The following MSRA variants were observed in gnomAD, a reference collection of about 807,000 sequenced individuals.
MSRA encodes the protein mitochondrial peptide methionine sulfoxide reductase.
In MSRA, 54 loss-of-function variants were observed where a neutral mutation model predicts 31.3. That is an observed-to-expected ratio of 1.73 (90% CI 1.39 to 2.17). The LOEUF is 2.17. MSRA is among the 30% of genes most tolerant of loss of function. The pLI is 0.00. For synonymous variants in MSRA, 169 were observed against 116.5 expected (o/e 1.45, Z -2.90); for missense variants, 507 against 300.9 (o/e 1.69, Z -5.07).
At position 10,377,888 on chromosome 8, in the gene MSRA, C is replaced by G. The variant is rs528610142; in HGVS notation, c.544-50260C>G. Among the ~76,000 whole-genome samples the G allele has an allele frequency of 7.2e-5, 11 of 152,316 alleles. No individual in the cohort carries two copies. The South Asian group carries it at 2.3e-3, about 32-fold the overall frequency. Reference sequence around the variant, plus strand: ...GATCTCGCCTCACCAGGAGGAAGCTCCCTGGCAGTGCAGGCCCCCGTGATC... The same window carrying G: ...GATCTCGCCTCACCAGGAGGAAGCTGCCTGGCAGTGCAGGCCCCCGTGATC... On this transcript the variant is annotated intron_variant, in intron 5 of 5. Coordinates refer to ENST00000317173, the MANE Select transcript of MSRA (RefSeq NM_012331.5).
chr8:10,425,175 A>G (rs941290605), intron 5 of MSRA, among the ~76,000 whole-genome samples: 77 of 151,964 alleles, frequency 5.1e-4, no homozygotes, highest in Non-Finnish European at 4.1e-4. Context: ...GGGAAGGACA[A>G]CCGAAGCCTG....
intron 3 of MSRA, among the ~76,000 whole-genome samples, chr8:10,270,735 C>A (rs1798989957): frequency 6.6e-6 from 1 of 152,228 alleles, no homozygotes; most frequent in African/African-American, 2.4e-5. Flanking sequence ...CAATATTCAT[C>A]ATTAGCTCAT....
At chr8:10,236,968 G>A (rs576944467) in intron 2 of MSRA, among the ~76,000 whole-genome samples, 21 of 152,168 alleles carry the variant, frequency 1.4e-4, no homozygotes, top group Non-Finnish European at 2.1e-4. Flanking sequence ...AAAACCTTGC[G>A]TAAGTCCTCA....
chr8:10,325,763 C>T (rs528260235), intron 5 of MSRA, among the ~76,000 whole-genome samples: 122 of 152,244 alleles, frequency 8.0e-4, no homozygotes, highest in African/African-American at 2.8e-3. Context: ...GGAAAATTGC[C>T]GATCTAACCA....
chr8:10,072,282 C>T (rs574527563), intron 1 of MSRA, among the ~76,000 whole-genome samples: 8 of 148,152 alleles, frequency 5.4e-5, no homozygotes, highest in African/African-American at 2.0e-4. Flanking sequence ...AAAGGCTGTG[C>T]ACACAAGACT....
intron 1 of MSRA, among the ~76,000 whole-genome samples, chr8:10,201,876 G>C (rs138987329): frequency 6.6e-6 from 1 of 152,224 alleles, no homozygotes; most frequent in South Asian, 2.1e-4. Flanking sequence ...CATCAGCAGA[G>C]GTTGTCCTCC....
chr8:10,250,472 A>T, intron 3 of MSRA: 1 of 702,484 alleles, frequency 1.4e-6, no homozygotes, highest in Non-Finnish European at 2.6e-6. Flanking sequence ...GCTTTTAGAA[A>T]TCTGCACAGC....
Position 10,239,500 on chromosome 8 carries a change from T to G in MSRA, c.212-5604T>G, listed in dbSNP as rs185105710. Among the ~76,000 whole-genome samples, 290 of 152,364 alleles carry G rather than the reference T, an allele frequency of 1.9e-3. 1 individual carries two copies. Among genetic ancestry groups the G allele is most frequent in the African/African-American group, 6.7e-3 (278 of 41,590 alleles). On this transcript the variant is annotated intron_variant, in intron 2 of 5. Coordinates refer to ENST00000317173, the MANE Select transcript of MSRA (RefSeq NM_012331.5). Reference sequence around the variant, plus strand: ...AGCCCATCCAATTGGCAAATATTTATATACTTTGTAACACCAAATGCTTGC... The same window carrying G: ...AGCCCATCCAATTGGCAAATATTTAGATACTTTGTAACACCAAATGCTTGC...
intron 2 of MSRA, among the ~76,000 whole-genome samples, chr8:10,239,252 C>A (rs538754705): frequency 1.6e-4 from 25 of 152,136 alleles, no homozygotes; most frequent in African/African-American, 5.5e-4. Flanking sequence ...ACCTCTGCCT[C>A]CCAGGTTCAA....
At chr8:10,093,413 T>C (rs1798955601) in intron 1 of MSRA, among the ~76,000 whole-genome samples, 1 of 152,198 alleles carries the variant, frequency 6.6e-6, no homozygotes, top group Non-Finnish European at 1.5e-5. Flanking sequence ...CTAATTCAGA[T>C]TAATACCAAT....
intron 1 of MSRA, among the ~76,000 whole-genome samples, chr8:10,116,052 G>A (rs1800654583): frequency 6.6e-6 from 1 of 152,156 alleles, no homozygotes; most frequent in African/African-American, 2.4e-5. Context: ...CTGAGTTGGA[G>A]CTGCTGAAAT....
chr8:10,289,451 G>C (rs1306505196), intron 3 of MSRA, among the ~76,000 whole-genome samples: 1 of 152,114 alleles, frequency 6.6e-6, no homozygotes, highest in Non-Finnish European at 1.5e-5. Context: ...GATGCAGTGT[G>C]TAGGAATCAC....
At chr8:10,360,730 G>A (rs560420839) in intron 5 of MSRA, among the ~76,000 whole-genome samples, 2 of 152,324 alleles carry the variant, frequency 1.3e-5, no homozygotes, top group South Asian at 4.1e-4. Flanking sequence ...AGTTTATTTG[G>A]AAGATATTCA....
At chr8:10,272,200 CAG>C (rs1324695136) in intron 3 of MSRA, among the ~76,000 whole-genome samples, 5 of 152,112 alleles carry the variant, frequency 3.3e-5, no homozygotes, top group Non-Finnish European at 5.9e-5. Flanking sequence ...TCCAGGAAAA[CAG>C]AAGCAATAGG....
chr8:10,337,067 G>C (rs976958445), intron 5 of MSRA: 1 of 152,182 alleles, frequency 6.6e-6, no homozygotes, highest in Admixed American at 6.5e-5. Context: ...GTCAGGTTTC[G>C]CAATTCACAT....
intron 2 of MSRA, among the ~76,000 whole-genome samples, chr8:10,219,475 G>A (rs1474872826): frequency 6.6e-6 from 1 of 152,054 alleles, no homozygotes; most frequent in Non-Finnish European, 1.5e-5. Context: ...TTGGAACAGT[G>A]TTGTGTATGA....
At chr8:10,226,268 C>G (rs1019132468) in intron 2 of MSRA, among the ~76,000 whole-genome samples, 8 of 152,238 alleles carry the variant, frequency 5.3e-5, no homozygotes, top group African/African-American at 1.9e-4. Context: ...TAACTTTCCA[C>G]TAATAGCCCT....
chr8:10,128,096 G>A (rs1801630779), intron 1 of MSRA, among the ~76,000 whole-genome samples: 2 of 152,078 alleles, frequency 1.3e-5, no homozygotes, highest in African/African-American at 4.8e-5. Flanking sequence ...TTTCTGTCTA[G>A]GCCAGGTGCG....
chr8:10,079,662 T>A (rs1273952627), intron 1 of MSRA, among the ~76,000 whole-genome samples: 2 of 152,186 alleles, frequency 1.3e-5, no homozygotes, highest in Non-Finnish European at 2.9e-5. Flanking sequence ...AAAACCTTTC[T>A]TAGTCCTTCA....
Sources: gnomAD v4.1 joint callset for allele counts (sites outside exome capture counted in the v4.1 genomes callset) on GRCh38, gnomAD v4.1.1 for gene constraint, MANE v1.5 for transcripts, NCBI Gene and HGNC (gene_info 2026-07-23, HGNC 2026-07-21) for gene names.